CACHD1: variants seen among roughly 807,000 people sequenced by gnomAD.
CACHD1 encodes the protein cache domain containing 1.
In CACHD1, 71 loss-of-function variants were observed where a neutral mutation model predicts 138.7. That is an observed-to-expected ratio of 0.51 (90% CI 0.42 to 0.62). CACHD1 has a LOEUF of 0.62. CACHD1 is among the 20% of genes least tolerant of loss of function. The pLI, the probability that CACHD1 is intolerant of heterozygous loss-of-function variation, is 0.00. For missense variants in CACHD1, 1,389 were observed against 1,625.3 expected (o/e 0.85, Z 2.50); for synonymous variants, 578 against 591.5 (o/e 0.98, Z 0.33).
chr1:64,673,567 C>A, intron 19 of CACHD1, 103 bp downstream of exon 19: 1 of 934,592 alleles, frequency 1.1e-6, no homozygotes, highest in Non-Finnish European at 1.7e-6. Flanking sequence ...CCTGTTTCAT[C>A]GCCTTAGAAC....
chr1:64,484,678 C>T (rs1646231652), intron 1 of CACHD1, among the ~76,000 whole-genome samples: 1 of 152,250 alleles, frequency 6.6e-6, no homozygotes, highest in Non-Finnish European at 1.5e-5. Flanking sequence ...GTTCTACTTT[C>T]TATCTCTCTG....
chr1:64,664,713 T>C, intron 15 of CACHD1, 34 bp downstream of exon 15: 1 of 1,594,986 alleles, frequency 6.3e-7, no homozygotes. Flanking sequence ...TCAAAGGTTC[T>C]CCCCCAAATC....
chr1:64,671,979 TTTGGTAC>T (rs1649834048), intron 17 of CACHD1, among the ~76,000 whole-genome samples: 2 of 152,220 alleles, frequency 1.3e-5, no homozygotes, highest in Admixed American at 1.3e-4. Flanking sequence ...TTCCCATATC[TTTGGTAC>T]TAGAAAGACC....
rs1646247375 is a variant in CACHD1 at position 64,487,119 on chromosome 1, A to G, written c.198+16177A>G. Among the ~76,000 whole-genome samples the G allele has an allele frequency of 2.6e-5, 4 of 152,306 alleles. No homozygotes were observed. The South Asian group carries it at 8.3e-4, about 32-fold the overall frequency. Reference sequence around the variant, plus strand: ...AGCGAGGATAGGATCACTGTGGAGAACAAGTTTGGATTTTGTTCTGGCTGA... The same window carrying G: ...AGCGAGGATAGGATCACTGTGGAGAGCAAGTTTGGATTTTGTTCTGGCTGA... On this transcript the variant is annotated intron_variant, in intron 1 of 26. Coordinates refer to ENST00000651257, the MANE Select transcript of CACHD1 (RefSeq NM_020925.4).
chr1:64,528,589 G>T (rs1319596483), intron 1 of CACHD1, among the ~76,000 whole-genome samples: 1 of 152,120 alleles, frequency 6.6e-6, no homozygotes, highest in Non-Finnish European at 1.5e-5. Flanking sequence ...GTCTTTGGAG[G>T]TTAATCACTC....
At chr1:64,632,561 A>T in intron 5 of CACHD1, 38 bp from the exon 6 acceptor site, 1 of 1,611,564 alleles carries the variant, frequency 6.2e-7, no homozygotes, top group Non-Finnish European at 8.5e-7. Context: ...CCTTTACCTA[A>T]ACCAAGACTG....
intron 25 of CACHD1, 40 bp downstream of exon 25, chr1:64,681,375 G>A: frequency 1.4e-6 from 2 of 1,466,186 alleles, no homozygotes; most frequent in Non-Finnish European, 1.9e-6. Flanking sequence ...GTGTCAGCAG[G>A]AGGCTAATCC....
chr1:64,604,710 T>TG (rs1395331484), intron 4 of CACHD1, among the ~76,000 whole-genome samples: 5 of 152,184 alleles, frequency 3.3e-5, no homozygotes, highest in African/African-American at 1.2e-4. Flanking sequence ...TGGAGTGCAG[T>TG]GGCGTGATCA....
intron 1 of CACHD1, among the ~76,000 whole-genome samples, chr1:64,477,344 T>C (rs116718101): frequency 0.024 from 3,667 of 152,294 alleles, 61 homozygotes; most frequent in Middle Eastern, 0.048. Context: ...TTTTAAGATA[T>C]GGTTCACGGA....
chr1:64,499,784 T>C (rs1263284358), intron 1 of CACHD1, among the ~76,000 whole-genome samples: 1 of 152,204 alleles, frequency 6.6e-6, no homozygotes, highest in Non-Finnish European at 1.5e-5. Context: ...TCATTAGAGA[T>C]GTTGTTGATT....
chr1:64,573,574 T>C (rs1319102330), intron 2 of CACHD1, among the ~76,000 whole-genome samples: 1 of 152,190 alleles, frequency 6.6e-6, no homozygotes, highest in Non-Finnish European at 1.5e-5. Flanking sequence ...GAACCAGATA[T>C]GAGTAATAGT....
chr1:64,479,280 C>A (rs1053642148), intron 1 of CACHD1, among the ~76,000 whole-genome samples: 1 of 152,176 alleles, frequency 6.6e-6, no homozygotes, highest in Non-Finnish European at 1.5e-5. Context: ...GAGATACCTA[C>A]CCATCAGTTA....
intron 15 of CACHD1, among the ~76,000 whole-genome samples, chr1:64,665,425 A>G (rs745319484): frequency 2.6e-5 from 4 of 152,230 alleles, no homozygotes; most frequent in Admixed American, 6.5e-5. Context: ...ACACCACTGC[A>G]CTCCAGCCTG....
chr1:64,596,332 A>G (rs944316682), intron 3 of CACHD1, among the ~76,000 whole-genome samples: 5 of 152,178 alleles, frequency 3.3e-5, no homozygotes, highest in Non-Finnish European at 7.3e-5. Context: ...GTGTTGCTCA[A>G]ATATTTGGAG....
rs200197367 is a variant in CACHD1, at chr1:64,550,629, C to T, written c.234C>T (p.Ile78=). ...ACTCCTTTGTTTACACTGAGAAAAT[C>T]TCAAATGGAGAAAGTGAAGTACAGC... ...IFNSFVYTEK[I]SNGESEVQQL... is the part of the protein sequence containing the mutation. The change falls in exon 2 of 27, where the codon ATC becomes ATT. Residue 78 remains isoleucine, a synonymous_variant. Transcript: ENST00000651257. The T allele has an allele frequency of 8.8e-4, 1,411 of 1,611,478 alleles. No individual in the cohort carries two copies. Among genetic ancestry groups the T allele is most frequent in the Non-Finnish European group, 1.1e-3 (1,312 of 1,177,912 alleles).
intron 2 of CACHD1, among the ~76,000 whole-genome samples, chr1:64,576,915 T>G (rs1259228408): frequency 1.3e-5 from 2 of 151,738 alleles, no homozygotes; most frequent in Non-Finnish European, 1.5e-5. Context: ...TTGTTTTTTT[T>G]TTTTAGAATT....
intron 3 of CACHD1, among the ~76,000 whole-genome samples, chr1:64,587,450 G>A (rs1213283506): frequency 6.6e-6 from 1 of 152,128 alleles, no homozygotes; most frequent in African/African-American, 2.4e-5. Context: ...CTGCAAAGTG[G>A]CAGAAAATTC....
At chr1:64,558,254 C>A (rs1409762335) in intron 2 of CACHD1, among the ~76,000 whole-genome samples, 1 of 152,222 alleles carries the variant, frequency 6.6e-6, no homozygotes. Flanking sequence ...ATAAATCTTC[C>A]TAACTTGGGT....
chr1:64,528,049 A>G (rs1388266368), intron 1 of CACHD1, among the ~76,000 whole-genome samples: 3 of 152,208 alleles, frequency 2.0e-5, no homozygotes, highest in Non-Finnish European at 4.4e-5. Flanking sequence ...AGTTTCTGAA[A>G]GATTATCTCC....
Sources: allele counts gnomAD v4.1 joint callset (sites outside exome capture counted in the v4.1 genomes callset), GRCh38; gene constraint gnomAD v4.1.1; transcripts MANE v1.5; gene names NCBI Gene and HGNC (gene_info 2026-07-23, HGNC 2026-07-21).